MTUS2: variants seen among roughly 807,000 people sequenced by gnomAD.
MTUS2 encodes the protein microtubule associated scaffold protein 2.
In MTUS2, 40 loss-of-function variants were observed where a neutral mutation model predicts 114.1. The observed-to-expected ratio is 0.35, with a 90% CI of 0.27 to 0.46. MTUS2 has a LOEUF of 0.46. Among genes scored for constraint, MTUS2 ranks in the 20% least tolerant of loss-of-function variants. The probability of loss-of-function intolerance (pLI) is 1.00; values close to 1 mark genes in which losing one functional copy is unlikely to be tolerated. For synonymous variants in MTUS2, 688 were observed against 672.0 expected, an observed-to-expected ratio of 1.02 and a Z score of -0.37; for missense variants, 1,679 against 1,705.4, an observed-to-expected ratio of 0.98 and a Z score of 0.27.
chr13:28,906,033 T>A (rs1879984119), intron 2 of MTUS2, among the ~76,000 whole-genome samples: 2 of 151,716 alleles, frequency 1.3e-5, no homozygotes, highest in South Asian at 4.2e-4. Context: ...TTTTCTAGTT[T>A]ATTTGCGTAG....
chr13:28,849,240 A>G (rs1019698098), intron 2 of MTUS2, among the ~76,000 whole-genome samples: 5 of 152,218 alleles, frequency 3.3e-5, no homozygotes, highest in Admixed American at 6.5e-5. Context: ...AGTTAGATAA[A>G]TGGAAAATAT....
intron 2 of MTUS2, among the ~76,000 whole-genome samples, chr13:28,919,636 T>A (rs762074417): frequency 6.6e-4 from 101 of 152,302 alleles, no homozygotes; most frequent in Non-Finnish European, 1.3e-3. Flanking sequence ...ATTTCTCTTA[T>A]ATTATCCCTT....
intron 2 of MTUS2, among the ~76,000 whole-genome samples, chr13:28,981,826 A>T (rs1239967507): frequency 6.6e-6 from 1 of 152,096 alleles, no homozygotes; most frequent in Non-Finnish European, 1.5e-5. Flanking sequence ...GATCTTGCAG[A>T]TGCTAAGGTC....
At chr13:29,326,538 A>C (rs1900522844) in intron 7 of MTUS2, among the ~76,000 whole-genome samples, 1 of 152,158 alleles carries the variant, frequency 6.6e-6, no homozygotes, top group Non-Finnish European at 1.5e-5. Flanking sequence ...AAAAAAATTC[A>C]ATCAATATAA....
chr13:29,238,481 C>T (rs1896617193), intron 5 of MTUS2, among the ~76,000 whole-genome samples: 1 of 152,186 alleles, frequency 6.6e-6, no homozygotes, highest in Non-Finnish European at 1.5e-5. Flanking sequence ...GAGCCCCTGG[C>T]AAACCACTGA....
chr13:29,428,501 T>C lies in MTUS2; in HGVS notation c.3118-11482T>C, dbSNP rs1301001276. 8.8e-6 allele frequency: 3 copies of C among 339,120 alleles called. No individual in the cohort carries two copies. In the East Asian group the frequency reaches 1.4e-4, roughly 16 times the overall value. 21.0% of individuals were successfully genotyped at this position (339,120 alleles called of 1,614,324 possible). On this transcript the variant is annotated intron_variant, in intron 8 of 15. Coordinates refer to ENST00000612955, the MANE Select transcript of MTUS2 (RefSeq NM_001033602.4). ...TGTCCTTTTAGGGAGCCGGCATTGG[T>C]AAATGCTCTGTGGTTATGCGACTAT...
rs374460684 is a variant in MTUS2, at chr13:29,501,168, G to T, written c.3870G>T (p.Arg1290Ser). 3.1e-6 allele frequency: 5 copies of T among 1,614,008 alleles called. No individual in the cohort carries two copies. In the African/African-American group the frequency reaches 4.0e-5, roughly 13 times the overall value. ...AGCAGAACGAAGACCTCAAAGCAAGGATTGACCAAAACACAGTTGTCACCA... is the reference window on the plus strand; with the variant it reads ...AGCAGAACGAAGACCTCAAAGCAAGTATTGACCAAAACACAGTTGTCACCA... ...LQQQNEDLKA[R>S]IDQNTVVTRQ... is the part of the protein sequence containing the mutation. Residue 1290 changes from arginine to serine, a missense_variant, in exon 15 of 16, where the codon AGG becomes AGT. By Grantham distance (110) the Arg-to-Ser change is moderately radical. Around this residue, in one of 3 missense-constraint regions of MTUS2, gnomAD observed 822 missense variants for 899.7 expected, o/e 0.91. Transcript: ENST00000612955.
intron 6 of MTUS2, among the ~76,000 whole-genome samples, chr13:29,287,196 A>G (rs1316380757): frequency 6.6e-6 from 1 of 152,200 alleles, no homozygotes; most frequent in Non-Finnish European, 1.5e-5. Context: ...TAATAATAGT[A>G]TAAATATCCA....
intron 8 of MTUS2, among the ~76,000 whole-genome samples, chr13:29,403,300 T>C (rs1178820686): frequency 6.6e-6 from 1 of 152,222 alleles, no homozygotes; most frequent in Non-Finnish European, 1.5e-5. Flanking sequence ...GATTCCTTCC[T>C]GCTCCAATCT....
intron 9 of MTUS2, among the ~76,000 whole-genome samples, chr13:29,441,279 C>T (rs920110103): frequency 6.6e-6 from 1 of 152,068 alleles, no homozygotes; most frequent in South Asian, 2.1e-4. Context: ...GTGTGAGGAA[C>T]CCTGGAAAGC....
chr13:29,376,526 A>G (rs953251859), intron 8 of MTUS2, among the ~76,000 whole-genome samples: 1 of 152,342 alleles, frequency 6.6e-6, no homozygotes, highest in African/African-American at 2.4e-5. Flanking sequence ...AGAATAGAAA[A>G]TAATAAAATG....
chr13:29,147,433 A>C (rs1405068865), intron 5 of MTUS2, among the ~76,000 whole-genome samples: 1 of 152,164 alleles, frequency 6.6e-6, no homozygotes, highest in African/African-American at 2.4e-5. Flanking sequence ...CCCATTTTAA[A>C]AAATTTTAGC....
chr13:29,315,096 C>T lies in MTUS2; in HGVS notation c.2807-9517C>T, dbSNP rs188176758. 2.0e-5 allele frequency among the ~76,000 whole-genome samples: 3 copies of T among 152,238 alleles called. No homozygotes were observed. In the East Asian group the frequency reaches 5.8e-4, roughly 29 times the overall value. The stretch of plus-strand genomic sequence containing the variant: ...CGGAAAGCCAGATATCACATGTTCT[C>T]ACTTATATGTGGAATCTAAAAAAGT... On this transcript the variant is annotated intron_variant, in intron 6 of 15. Coordinates refer to ENST00000612955, the MANE Select transcript of MTUS2 (RefSeq NM_001033602.4).
At chr13:29,141,606 A>T (rs1392212061) in intron 5 of MTUS2, among the ~76,000 whole-genome samples, 4 of 152,186 alleles carry the variant, frequency 2.6e-5, no homozygotes, top group African/African-American at 9.7e-5. Flanking sequence ...CAGAGCTGCA[A>T]ATACATACTT....
intron 8 of MTUS2, among the ~76,000 whole-genome samples, chr13:29,418,206 T>C (rs1875818222): frequency 6.6e-6 from 1 of 152,114 alleles, no homozygotes; most frequent in Non-Finnish European, 1.5e-5. Context: ...CAGTGAACAG[T>C]TACCTCGGTA....
intron 2 of MTUS2, among the ~76,000 whole-genome samples, chr13:28,932,175 C>T (rs979082979): frequency 6.6e-6 from 1 of 152,166 alleles, no homozygotes; most frequent in African/African-American, 2.4e-5. Flanking sequence ...AATGGTCTCC[C>T]TTGAGAGGCA....
chr13:28,825,697 C>A (rs1002701482), intron 1 of MTUS2, among the ~76,000 whole-genome samples: 14 of 152,196 alleles, frequency 9.2e-5, no homozygotes, highest in African/African-American at 3.4e-4. Flanking sequence ...CCTTTCTATA[C>A]TCATGGGGAC....
Position 29,100,782 on chromosome 13 carries a change from A to G in MTUS2, c.2456A>G (p.Lys819Arg), listed in dbSNP as rs1165683482. Residue 819 changes from lysine to arginine, a missense_variant, in exon 5 of 16, where the codon AAG becomes AGG. By Grantham distance (26) the Lys-to-Arg change is conservative (BLOSUM62 2). This residue lies in a region of MTUS2 where 822 missense variants were observed against 899.7 expected (regional missense o/e 0.91). Transcript: ENST00000612955. ...TTTGGGTTCGTTTTAGCAGATTTAA[A>G]GAAAGCTTCCAGTTCAAATGCTGCA... ...LYSSDPSADL[K>R]KASSSNAAKS... The G allele has an allele frequency of 3.2e-6, 5 of 1,551,422 alleles. No homozygotes were observed. Among genetic ancestry groups the G allele is most frequent in the Non-Finnish European group, 4.4e-6 (5 of 1,146,996 alleles).
At chr13:28,857,676 T>C (rs1055727402) in intron 2 of MTUS2, among the ~76,000 whole-genome samples, 1 of 152,250 alleles carries the variant, frequency 6.6e-6, no homozygotes, top group African/African-American at 2.4e-5. Flanking sequence ...GACATGTTAA[T>C]GGAACTTTGA....
Sources: gnomAD v4.1 joint callset for allele counts (sites outside exome capture counted in the v4.1 genomes callset) on GRCh38, gnomAD v4.1.1 for gene constraint, gnomAD v4.1.1 regional missense constraint, MANE v1.5 for transcripts, NCBI Gene and HGNC (gene_info 2026-07-23, HGNC 2026-07-21) for gene names.